Variants in ELAVL2 observed in about 807,000 individuals in gnomAD.
ELAVL2 encodes ELAV-like protein 2.
Under a neutral mutation model 34.6 loss-of-function variants are expected in ELAVL2, and 4 were observed. That is an observed-to-expected ratio of 0.12 (90% CI 0.06 to 0.26). The LOEUF (loss-of-function observed/expected upper bound fraction) is 0.26. Among genes scored for constraint, ELAVL2 ranks in the 10% least tolerant of loss-of-function variants. The probability of loss-of-function intolerance (pLI) is 1.00; values close to 1 mark genes in which losing one functional copy is unlikely to be tolerated. For synonymous variants in ELAVL2, 193 were observed against 154.8 expected (o/e 1.25, Z -1.83); for missense variants, 432 against 442.8 (o/e 0.98, Z 0.22).
chr9:23,776,521 T>A (rs1357299429), intron 1 of ELAVL2, among the ~76,000 whole-genome samples: 1 of 152,024 alleles, frequency 6.6e-6, no homozygotes, highest in Non-Finnish European at 1.5e-5. Flanking sequence ...AAAAGCAACA[T>A]TCCTGATCTA....
intron 1 of ELAVL2, among the ~76,000 whole-genome samples, chr9:23,776,171 A>C (rs966771651): frequency 5.3e-5 from 8 of 152,186 alleles, no homozygotes; most frequent in African/African-American, 1.4e-4. Context: ...GTAGACTGTC[A>C]AGGGGAAAAA....
chr9:23,749,257 T>C (rs1486818259), intron 2 of ELAVL2, among the ~76,000 whole-genome samples: 2 of 152,154 alleles, frequency 1.3e-5, no homozygotes, highest in African/African-American at 4.8e-5. Flanking sequence ...CTATCATTAA[T>C]GCACAATCCA....
intron 5 of ELAVL2, among the ~76,000 whole-genome samples, chr9:23,699,812 GTTTTTTTTTTTTTTT>G (rs199637833): frequency 0.011 from 950 of 82,916 alleles, 19 homozygotes; most frequent in South Asian, 0.029. Flanking sequence ...GGTGGCAAAG[GTTTTTTTTTTTTTTT>G]TTTTTTTTTT....
At position 23,824,213 on chromosome 9, in the gene ELAVL2, C is replaced by T. The variant is rs776947880; in HGVS notation, c.-16+1593G>A. Among the ~76,000 whole-genome samples the T allele has an allele frequency of 5.0e-4, 76 of 152,154 alleles. 1 individual carries two copies. Among genetic ancestry groups the T allele is most frequent in the Non-Finnish European group, 2.1e-4 (14 of 68,014 alleles). On this transcript the variant is annotated intron_variant, in intron 1 of 6. Transcript: ENST00000397312. Reference sequence around the variant, plus strand: ...CTAACCGGTACTTGAAAATGGGAAACGGGGAACTTATCCAACCTCCAATTT... The same window carrying T: ...CTAACCGGTACTTGAAAATGGGAAATGGGGAACTTATCCAACCTCCAATTT...
chr9:23,822,344 T>C (rs1458337975), intron 1 of ELAVL2, among the ~76,000 whole-genome samples: 1 of 152,018 alleles, frequency 6.6e-6, no homozygotes, highest in Admixed American at 6.6e-5. Flanking sequence ...AACCTGACGT[T>C]TAAATAAGCC....
chr9:23,775,777 C>T (rs1327330864), intron 1 of ELAVL2, among the ~76,000 whole-genome samples: 2 of 152,122 alleles, frequency 1.3e-5, no homozygotes, highest in Non-Finnish European at 2.9e-5. Context: ...CTTCCCACTC[C>T]CAGTGTTTTC....
chr9:23,828,267 G>C (rs138554548), upstream of ELAVL2, among the ~76,000 whole-genome samples: 1 of 152,126 alleles, frequency 6.6e-6, no homozygotes, highest in African/African-American at 2.4e-5. Flanking sequence ...CCTAGGCAGT[G>C]AATTGTCTTT....
chr9:23,745,427 C>T (rs2050255545), intron 2 of ELAVL2, among the ~76,000 whole-genome samples: 3 of 152,088 alleles, frequency 2.0e-5, no homozygotes, highest in South Asian at 4.1e-4. Context: ...ACAGATATCC[C>T]ATTCAAATCC....
At chr9:23,747,937 G>C (rs915896399) in intron 2 of ELAVL2, among the ~76,000 whole-genome samples, 6 of 152,042 alleles carry the variant, frequency 3.9e-5, no homozygotes, top group Admixed American at 3.3e-4. Flanking sequence ...AAAAAGGACT[G>C]TTCTACTCAG....
chr9:23,804,086 A>G (rs1171485941), intron 1 of ELAVL2, among the ~76,000 whole-genome samples: 1 of 152,238 alleles, frequency 6.6e-6, no homozygotes, highest in Admixed American at 6.5e-5. Flanking sequence ...TAATTCTATT[A>G]TAATAATTTG....
intron 1 of ELAVL2, among the ~76,000 whole-genome samples, chr9:23,770,721 C>T (rs1564383373): frequency 6.6e-6 from 1 of 152,218 alleles, no homozygotes; most frequent in Non-Finnish European, 1.5e-5. Flanking sequence ...ACACTTTAAT[C>T]TTAGCCCACT....
chr9:23,746,613 C>G (rs572909876), intron 2 of ELAVL2, among the ~76,000 whole-genome samples: 2 of 152,020 alleles, frequency 1.3e-5, no homozygotes, highest in East Asian at 1.9e-4. Flanking sequence ...GACTTTACTT[C>G]GGTTCCTTAC....
chr9:23,782,190 A>AG (rs1200977853), intron 1 of ELAVL2, among the ~76,000 whole-genome samples: 1 of 152,210 alleles, frequency 6.6e-6, no homozygotes, highest in Non-Finnish European at 1.5e-5. Context: ...ACTGAACAGC[A>AG]GACGGTGATG....
intron 1 of ELAVL2, among the ~76,000 whole-genome samples, chr9:23,799,042 A>C (rs140902429): frequency 1.5e-4 from 23 of 152,330 alleles, no homozygotes; most frequent in African/African-American, 5.5e-4. Flanking sequence ...GGATGGAAGA[A>C]CTATTAAAAC....
At chr9:23,791,601 T>C (rs1051643467) in intron 1 of ELAVL2, among the ~76,000 whole-genome samples, 2 of 151,184 alleles carry the variant, frequency 1.3e-5, no homozygotes, top group African/African-American at 4.8e-5. Context: ...TAATTAAGAA[T>C]AAATGAGGTC....
chr9:23,798,114 C>A (rs935455891), intron 1 of ELAVL2, among the ~76,000 whole-genome samples: 1 of 152,152 alleles, frequency 6.6e-6, no homozygotes, highest in African/African-American at 2.4e-5. Flanking sequence ...CCACTGAAAC[C>A]TTCAGGCAGG....
At chr9:23,725,566 T>C (rs1295388472) in intron 3 of ELAVL2, among the ~76,000 whole-genome samples, 1 of 152,248 alleles carries the variant, frequency 6.6e-6, no homozygotes, top group East Asian at 1.9e-4. Flanking sequence ...ACACAGCATC[T>C]AAGAATATTT....
At chr9:23,701,679 T>C in intron 4 of ELAVL2, 75 bp from the exon 5 acceptor site, 2 of 1,459,154 alleles carry the variant, frequency 1.4e-6, no homozygotes, top group East Asian at 4.6e-5. Context: ...AAGGACACAT[T>C]AATTTTTCCT....
Position 23,755,958 on chromosome 9 carries a change from A to G in ELAVL2, c.229+6048T>C, listed in dbSNP as rs189344096. ...TCACATTTTCAAATTAATGTTCATCAAAACAGCTTTGTGTTCACTGTGATT... is the reference window on the plus strand; with the variant it reads ...TCACATTTTCAAATTAATGTTCATCGAAACAGCTTTGTGTTCACTGTGATT... On this transcript the variant is annotated intron_variant, in intron 2 of 6. Transcript: ENST00000397312. Among the ~76,000 whole-genome samples, 21 of 152,286 alleles carry G rather than the reference A, an allele frequency of 1.4e-4. No individual in the cohort carries two copies. In the East Asian group the frequency reaches 2.7e-3, roughly 20 times the overall value.
Sources: allele counts gnomAD v4.1 joint callset (sites outside exome capture counted in the v4.1 genomes callset), GRCh38; gene constraint gnomAD v4.1.1; transcripts MANE v1.5; gene names NCBI Gene and HGNC (gene_info 2026-07-23, HGNC 2026-07-21).